The following ARHGAP10 variants were observed in gnomAD, a reference collection of about 807,000 sequenced individuals.
ARHGAP10 encodes rho GTPase-activating protein 10.
ARHGAP10 carries 87 observed loss-of-function variants against 108.6 expected under a neutral mutation model. The ratio of observed to expected loss-of-function variants is 0.80; its 90% confidence interval spans 0.67 to 0.96. The LOEUF is 0.96. Ranked by LOEUF, ARHGAP10 falls within the 40% of genes least tolerant of loss-of-function variation. The pLI is 0.00. For synonymous variants in ARHGAP10, 347 were observed against 341.1 expected, an observed-to-expected ratio of 1.02 and a Z score of -0.19; for missense variants, 939 against 954.5, an observed-to-expected ratio of 0.98 and a Z score of 0.21.
chr4:147,905,229 CA>C, intron 10 of ARHGAP10, among the ~76,000 whole-genome samples: 1 of 151,850 alleles, frequency 6.6e-6, no homozygotes, highest in South Asian at 2.1e-4. Flanking sequence ...AGAAGCTCTT[CA>C]GTTTAATTAG....
At chr4:148,034,233 A>G (rs574600972) in intron 19 of ARHGAP10, among the ~76,000 whole-genome samples, 1 of 152,348 alleles carries the variant, frequency 6.6e-6, no homozygotes, top group South Asian at 2.1e-4. Context: ...GCTTTCAAAT[A>G]AAATGTAATT....
In ARHGAP10 at chr4:147,746,434, C is replaced by T. The variant is rs1728926104; in HGVS notation, c.154+13979C>T. ...TTTTTTTTTTTGAGATGGAGTTTTG[C>T]TCTTTGCCCAGGCTGGAATGCAGCG... On this transcript the variant is annotated intron_variant, in intron 1 of 22. Coordinates refer to ENST00000336498, the MANE Select transcript of ARHGAP10 (RefSeq NM_024605.4). Among the ~76,000 whole-genome samples, 3 of 146,406 alleles carry T rather than the reference C, an allele frequency of 2.0e-5. No homozygotes were observed. The South Asian group carries it at 6.4e-4, about 31-fold the overall frequency.
chr4:147,978,677 GTGGAAC>G (rs1432275814), intron 18 of ARHGAP10, among the ~76,000 whole-genome samples: 3 of 152,264 alleles, frequency 2.0e-5, no homozygotes, highest in East Asian at 3.9e-4. Context: ...TGTACAGCCT[GTGGAAC>G]TGTGAGTCAA....
At chr4:147,938,958 T>C (rs1179289884) in intron 13 of ARHGAP10, among the ~76,000 whole-genome samples, 5 of 152,212 alleles carry the variant, frequency 3.3e-5, no homozygotes, top group African/African-American at 1.2e-4. Context: ...CCAGATTCAA[T>C]AATTATCAAG....
chr4:147,996,055 G>A (rs112152798), intron 18 of ARHGAP10, among the ~76,000 whole-genome samples: 2 of 152,238 alleles, frequency 1.3e-5, no homozygotes, highest in Admixed American at 6.5e-5. Context: ...CCTTCCACAG[G>A]GGGCCTGTAT....
chr4:147,973,267 C>T (rs1739478839), intron 18 of ARHGAP10, among the ~76,000 whole-genome samples: 1 of 152,190 alleles, frequency 6.6e-6, no homozygotes, highest in Non-Finnish European at 1.5e-5. Context: ...GCTCACTGGT[C>T]ACCCTCAGAG....
intron 13 of ARHGAP10, among the ~76,000 whole-genome samples, chr4:147,921,012 G>A (rs1737210843): frequency 6.6e-6 from 1 of 152,194 alleles, no homozygotes; most frequent in Non-Finnish European, 1.5e-5. Context: ...AAAGAAACAG[G>A]CATTCAAAAA....
At chr4:147,874,986 C>G in intron 7 of ARHGAP10, 35 bp from the exon 8 acceptor site, 6 of 1,526,134 alleles carry the variant, frequency 3.9e-6, no homozygotes, top group Non-Finnish European at 5.3e-6. Context: ...CATATGAGAA[C>G]TTAACATTTA....
chr4:147,927,767 C>T (rs548567029), intron 13 of ARHGAP10, among the ~76,000 whole-genome samples: 10 of 152,132 alleles, frequency 6.6e-5, no homozygotes, highest in Non-Finnish European at 1.2e-4. Flanking sequence ...TAAGGGAAGG[C>T]GCAGAGGCTG....
intron 18 of ARHGAP10, among the ~76,000 whole-genome samples, chr4:147,970,639 G>A (rs1185278005): frequency 6.6e-6 from 1 of 152,164 alleles, no homozygotes; most frequent in South Asian, 2.1e-4. Context: ...TGTAATTAAA[G>A]CAAGATTGCT....
At position 147,857,626 on chromosome 4, in the gene ARHGAP10, C is replaced by T. The variant is rs1414497966; in HGVS notation, c.458C>T (p.Ala153Val). The change falls in exon 5 of 23, where the codon GCA becomes GTA. Residue 153 changes from alanine (A) to valine (V), a missense_variant. Ala to Val is a moderately conservative substitution (Grantham distance 64). Coordinates refer to ENST00000336498, the MANE Select transcript of ARHGAP10 (RefSeq NM_024605.4). The stretch of plus-strand genomic sequence containing the variant: ...ATTGATAAACATTTGAATTTATCAG[C>T]AAAAAAGAAAGACTCACATTTACAA... ...SLIDKHLNLS[A>V]KKKDSHLQEA... The T allele has an allele frequency of 6.7e-7, 1 of 1,488,166 alleles. No homozygotes were observed. The highest frequency in any genetic ancestry group is 8.9e-7 in the Non-Finnish European group (1 of 1,120,504). 92.2% of individuals were successfully genotyped at this position (1,488,166 alleles called of 1,614,324 possible). A position where few individuals can be genotyped will look rare whatever the true frequency, so the allele number is the denominator to read the frequency against.
At chr4:147,776,766 A>G (rs1407168883) in intron 1 of ARHGAP10, among the ~76,000 whole-genome samples, 3 of 152,220 alleles carry the variant, frequency 2.0e-5, no homozygotes, top group Non-Finnish European at 4.4e-5. Context: ...ATGGGGCAGC[A>G]TTGGGAGCTT....
chr4:147,770,215 A>G (rs1163923971), intron 1 of ARHGAP10, among the ~76,000 whole-genome samples: 1 of 152,154 alleles, frequency 6.6e-6, no homozygotes, highest in African/African-American at 2.4e-5. Flanking sequence ...ATACAGTAGT[A>G]TTTGTCTATC....
chr4:147,904,432 T>C lies in ARHGAP10; in HGVS notation c.1035-2206T>C, dbSNP rs183809766. Among the ~76,000 whole-genome samples the C allele has an allele frequency of 2.8e-3, 428 of 150,900 alleles. 2 individuals carry two copies. Among genetic ancestry groups the C allele is most frequent in the African/African-American group, 9.6e-3 (395 of 40,996 alleles). On this transcript the variant is annotated intron_variant, in intron 10 of 22. Transcript: ENST00000336498. ...AGAGTATGATGTTCCCCTTCCTGTG[T>C]CCATGTGTTCTCATTGTTCAGTTCC...
At position 147,908,379 on chromosome 4, in the gene ARHGAP10, G is replaced by T. The variant is rs1488596271; in HGVS notation, c.1117-1353G>T. Among the ~76,000 whole-genome samples, 7 of 152,280 alleles carry T rather than the reference G, an allele frequency of 4.6e-5. No individual in the cohort carries two copies. In the East Asian group the frequency reaches 1.2e-3, roughly 25 times the overall value. On this transcript the variant is annotated intron_variant, in intron 11 of 22. Transcript: ENST00000336498. ...GGAAAGTCAGTTTGCGTAGCGAAAAGACTAAGTCATTGAAAAATGAGTCTG... is the reference window on the plus strand; with the variant it reads ...GGAAAGTCAGTTTGCGTAGCGAAAATACTAAGTCATTGAAAAATGAGTCTG...
At chr4:147,854,712 C>G (rs1212214251) in intron 4 of ARHGAP10, 1 of 984,142 alleles carries the variant, frequency 1.0e-6, no homozygotes, top group Non-Finnish European at 1.2e-6. Context: ...AACAATAATA[C>G]TCTATAATGA....
At chr4:147,971,903 G>A (rs1157536914) in intron 18 of ARHGAP10, among the ~76,000 whole-genome samples, 1 of 152,150 alleles carries the variant, frequency 6.6e-6, no homozygotes, top group Non-Finnish European at 1.5e-5. Context: ...GTGAGAATGG[G>A]GAGTTCCAGG....
rs114469589 is a variant in ARHGAP10, at chr4:147,788,025, T to C, written c.155-34702T>C. ...GAGAAAACTTCGTGAGAATTTACTT[T>C]AGGATTTATCATCGGTTCCTCTCCA... On this transcript the variant is annotated intron_variant, in intron 1 of 22. Coordinates refer to ENST00000336498, the MANE Select transcript of ARHGAP10 (RefSeq NM_024605.4). Among the ~76,000 whole-genome samples, 1,244 of 152,292 alleles carry C rather than the reference T, an allele frequency of 8.2e-3. 15 individuals carry two copies. Among genetic ancestry groups the C allele is most frequent in the African/African-American group, 0.029 (1,190 of 41,564 alleles).
chr4:147,834,744 C>T (rs1733096133), intron 3 of ARHGAP10, among the ~76,000 whole-genome samples: 1 of 143,664 alleles, frequency 7.0e-6, no homozygotes, highest in Non-Finnish European at 1.5e-5. Context: ...ACCCACCCAC[C>T]TGCCCCCACC....
Sources: gnomAD v4.1 joint callset for allele counts (sites outside exome capture counted in the v4.1 genomes callset) on GRCh38, gnomAD v4.1.1 for gene constraint, MANE v1.5 for transcripts, NCBI Gene and HGNC (gene_info 2026-07-23, HGNC 2026-07-21) for gene names.